The following TFDP2 variants were observed in gnomAD, a reference collection of about 807,000 sequenced individuals.
TFDP2 encodes the protein transcription factor Dp-2 (E2F dimerization partner 2).
A neutral mutation model predicts 59.3 loss-of-function variants in TFDP2; 17 were observed. The ratio of observed to expected loss-of-function variants is 0.29; its 90% CI spans 0.20 to 0.43. The LOEUF (loss-of-function observed/expected upper bound fraction) is 0.43, where lower values mean the gene tolerates loss of function less well. Ranked by LOEUF, TFDP2 falls within the 20% of genes least tolerant of loss-of-function variation. TFDP2 has a pLI of 1.00. For missense variants in TFDP2, 391 were observed against 528.8 expected (o/e 0.74, Z 2.56); for synonymous variants, 180 against 194.7 (o/e 0.92, Z 0.63).
intron 3 of TFDP2, among the ~76,000 whole-genome samples, chr3:142,048,090 G>C (rs1947437319): frequency 1.3e-5 from 2 of 152,040 alleles, no homozygotes; most frequent in African/African-American, 4.8e-5. Flanking sequence ...TAAGCACACA[G>C]AGAATATCAA....
In TFDP2 at chr3:142,017,046, C is replaced by T. The variant is rs867948526; in HGVS notation, c.83-11502G>A. Among the ~76,000 whole-genome samples, 11 of 152,298 alleles carry T rather than the reference C, an allele frequency of 7.2e-5. No individual in the cohort carries two copies. In the South Asian group the frequency reaches 2.1e-3, roughly 29 times the overall value. On this transcript the variant is annotated intron_variant, in intron 3 of 12. Coordinates refer to ENST00000489671, the MANE Select transcript of TFDP2 (RefSeq NM_001178139.2). The stretch of plus-strand genomic sequence containing the variant: ...CTTCAAGTCTCCTCTGCCTGTAATC[C>T]TCCCCCAGATATCCTACGTCTTATT...
intron 3 of TFDP2, among the ~76,000 whole-genome samples, chr3:142,030,117 G>T (rs147855658): frequency 6.6e-6 from 1 of 152,304 alleles, no homozygotes; most frequent in Non-Finnish European, 1.5e-5. Context: ...AAATAGATCA[G>T]AGAGCTTCTT....
At chr3:142,039,909 A>G (rs1946877489) in intron 3 of TFDP2, among the ~76,000 whole-genome samples, 2 of 152,166 alleles carry the variant, frequency 1.3e-5, no homozygotes, top group South Asian at 4.1e-4. Context: ...CAGCAGCCCA[A>G]GTACACTGAA....
intron 1 of TFDP2, among the ~76,000 whole-genome samples, chr3:142,107,080 C>T (rs1439677816): frequency 1.3e-5 from 2 of 152,008 alleles, no homozygotes; most frequent in African/African-American, 4.8e-5. Context: ...AGAAAATACA[C>T]AAAACAAAAA....
chr3:142,149,180 T>TA lies in TFDP2; in HGVS notation c.-93+2dup, dbSNP rs1397318895. The TA allele has an allele frequency of 7.6e-6, 3 of 396,988 alleles. No homozygotes were observed. Among genetic ancestry groups the TA allele is most frequent in the Non-Finnish European group, 1.3e-5 (3 of 225,138 alleles). 24.6% of individuals were successfully genotyped at this position (396,988 alleles called of 1,614,324 possible). The stretch of plus-strand genomic sequence containing the variant: ...GGGCCCGCGCCCTCGCCCCAGACCT[T>TA]ACCGCCTTCGGCTGCAGAAGAACTG... On this transcript the variant is annotated splice_region_variant and intron_variant, in intron 1 of 12. Coordinates refer to ENST00000489671, the MANE Select transcript of TFDP2 (RefSeq NM_001178139.2).
At chr3:142,071,651 G>A (rs2060252963) in intron 3 of TFDP2, among the ~76,000 whole-genome samples, 1 of 152,168 alleles carries the variant, frequency 6.6e-6, no homozygotes, top group African/African-American at 2.4e-5. Flanking sequence ...ACCTATTACA[G>A]CAGCAGTGAA....
intron 8 of TFDP2, among the ~76,000 whole-genome samples, chr3:141,971,240 T>C (rs1939680614): frequency 6.6e-6 from 1 of 150,746 alleles, no homozygotes; most frequent in African/African-American, 2.4e-5. Context: ...AGAAAAGTTA[T>C]GGCCAGGCGC....
At chr3:142,014,882 A>C (rs1945011331) in intron 3 of TFDP2, among the ~76,000 whole-genome samples, 2 of 152,200 alleles carry the variant, frequency 1.3e-5, no homozygotes, top group South Asian at 4.2e-4. Flanking sequence ...TGCCCTCTAC[A>C]GCAAAACTAC....
chr3:141,957,523 C>G (rs1314962502), intron 11 of TFDP2, among the ~76,000 whole-genome samples: 1 of 151,976 alleles, frequency 6.6e-6, no homozygotes, highest in African/African-American at 2.4e-5. Flanking sequence ...AGAATGTTAA[C>G]AGCAGCATCA....
At chr3:142,068,851 G>A (rs1013487004) in intron 3 of TFDP2, among the ~76,000 whole-genome samples, 3 of 152,006 alleles carry the variant, frequency 2.0e-5, no homozygotes, top group South Asian at 2.1e-4. Context: ...GAGCCACCAC[G>A]CCAGGCCTGT....
Position 141,949,447 on chromosome 3 carries a change from C to T in TFDP2, c.*3066G>A, listed in dbSNP as rs1456227205. 1.3e-5 allele frequency: 2 copies of T among 152,372 alleles called. No individual in the cohort carries two copies. The highest frequency in any genetic ancestry group is 2.9e-5 in the Non-Finnish European group (2 of 68,176). The allele number at this position is 152,372 out of a possible 1,614,324, so 9.4% of individuals were successfully genotyped here. A position where few individuals can be genotyped will look rare whatever the true frequency, so the allele number is the denominator to read the frequency against. The stretch of plus-strand genomic sequence containing the variant: ...GGTATACAAACACCACAACTGCTCT[C>T]ACCACAGGAAATAAGCACGTGGAGG... On this transcript the variant is annotated 3_prime_UTR_variant, in exon 13 of 13. Coordinates refer to ENST00000489671, the MANE Select transcript of TFDP2 (RefSeq NM_001178139.2).
intron 6 of TFDP2, among the ~76,000 whole-genome samples, chr3:141,989,940 C>T (rs1055122115): frequency 6.6e-6 from 1 of 151,562 alleles, no homozygotes; most frequent in African/African-American, 2.4e-5. Flanking sequence ...GTCACCGGGG[C>T]TGGAGTGCAG....
At chr3:142,116,693 G>A (rs951989189) in intron 1 of TFDP2, among the ~76,000 whole-genome samples, 1 of 152,108 alleles carries the variant, frequency 6.6e-6, no homozygotes, top group Non-Finnish European at 1.5e-5. Context: ...GTTACACCTA[G>A]GTATTTTATT....
At chr3:142,031,476 C>T (rs1281579082) in intron 3 of TFDP2, among the ~76,000 whole-genome samples, 4 of 152,190 alleles carry the variant, frequency 2.6e-5, no homozygotes, top group African/African-American at 9.7e-5. Flanking sequence ...CTTCAATCTG[C>T]TCTGATGTCT....
chr3:142,127,918 T>A (rs114268299), intron 1 of TFDP2, among the ~76,000 whole-genome samples: 140 of 152,276 alleles, frequency 9.2e-4, no homozygotes, highest in Non-Finnish European at 1.9e-3. Context: ...CTGCCCCTTC[T>A]GGCTGAGCCC....
intron 1 of TFDP2, among the ~76,000 whole-genome samples, chr3:142,123,058 C>T (rs983953043): frequency 6.6e-6 from 1 of 152,030 alleles, no homozygotes; most frequent in East Asian, 1.9e-4. Flanking sequence ...ACCTCCCAAG[C>T]TCAAGCAATT....
At chr3:142,111,385 GC>G in intron 1 of TFDP2, among the ~76,000 whole-genome samples, 1 of 142,748 alleles carries the variant, frequency 7.0e-6, no homozygotes, top group East Asian at 2.1e-4. Flanking sequence ...CTGAGATCGT[GC>G]CACTGCACTC....
chr3:142,056,222 G>A (rs2059739357), intron 3 of TFDP2, among the ~76,000 whole-genome samples: 1 of 151,256 alleles, frequency 6.6e-6, no homozygotes, highest in Admixed American at 6.6e-5. Flanking sequence ...AAAGTGCTGG[G>A]ATTACAGGCA....
At chr3:142,020,137 A>C (rs1023751584) in intron 3 of TFDP2, among the ~76,000 whole-genome samples, 1 of 152,206 alleles carries the variant, frequency 6.6e-6, no homozygotes, top group Non-Finnish European at 1.5e-5. Flanking sequence ...CTGTATTTCT[A>C]ATTTTAGCCA....
Sources: allele counts gnomAD v4.1 joint callset (sites outside exome capture counted in the v4.1 genomes callset), GRCh38; gene constraint gnomAD v4.1.1; transcripts MANE v1.5; gene names NCBI Gene and HGNC (gene_info 2026-07-23, HGNC 2026-07-21).